UNC5D: variants seen among roughly 807,000 people sequenced by gnomAD.
UNC5D encodes the protein unc-5 netrin receptor D.
In UNC5D, 39 loss-of-function variants were observed where a neutral mutation model predicts 105.4. The ratio of observed to expected loss-of-function variants is 0.37; its 90% CI spans 0.29 to 0.48. The LOEUF is 0.48. Among genes scored for constraint, UNC5D ranks in the 20% least tolerant of loss-of-function variants. The pLI, the probability that UNC5D is intolerant of heterozygous loss-of-function variation, is 0.98. For synonymous variants in UNC5D, 452 were observed against 450.4 expected, an observed-to-expected ratio of 1.00 and a Z score of -0.04; for missense variants, 991 against 1,202.4, an observed-to-expected ratio of 0.82 and a Z score of 2.60.
At chr8:35,512,797 T>C (rs1218150881) in intron 1 of UNC5D, among the ~76,000 whole-genome samples, 3 of 151,648 alleles carry the variant, frequency 2.0e-5, no homozygotes, top group Non-Finnish European at 4.4e-5. Flanking sequence ...GGAGGTTTTG[T>C]TATAAAAATT....
chr8:35,434,353 T>C (rs1417347122), intron 1 of UNC5D, among the ~76,000 whole-genome samples: 1 of 152,104 alleles, frequency 6.6e-6, no homozygotes, highest in African/African-American at 2.4e-5. Context: ...TGTCTTAGAG[T>C]TCCTCCAAAG....
chr8:35,542,930 T>C (rs1160440804), intron 1 of UNC5D, among the ~76,000 whole-genome samples: 1 of 152,244 alleles, frequency 6.6e-6, no homozygotes, highest in Non-Finnish European at 1.5e-5. Context: ...GTTGTGGTCA[T>C]GGTGCCACAT....
At chr8:35,501,307 G>T (rs1811957511) in intron 1 of UNC5D, among the ~76,000 whole-genome samples, 1 of 152,224 alleles carries the variant, frequency 6.6e-6, no homozygotes, top group Non-Finnish European at 1.5e-5. Context: ...GTCCCCACCA[G>T]TTGGCCTCCC....
intron 1 of UNC5D, among the ~76,000 whole-genome samples, chr8:35,263,642 A>G (rs2128824651): frequency 6.6e-6 from 1 of 152,362 alleles, no homozygotes; most frequent in Non-Finnish European, 1.5e-5. Flanking sequence ...TTGTATCTGA[A>G]CAATAAGACT....
chr8:35,641,510 G>T (rs767289984), intron 4 of UNC5D, among the ~76,000 whole-genome samples: 3 of 151,942 alleles, frequency 2.0e-5, no homozygotes, highest in Non-Finnish European at 4.4e-5. Context: ...CTTTCTCTTG[G>T]TGAGAATACA....
At chr8:35,702,135 G>A (rs951167497) in intron 7 of UNC5D, among the ~76,000 whole-genome samples, 4 of 152,068 alleles carry the variant, frequency 2.6e-5, no homozygotes, top group African/African-American at 7.2e-5. Flanking sequence ...GTATATGTTA[G>A]ACCCTGGGAA....
At chr8:35,536,328 A>G (rs868090366) in intron 1 of UNC5D, among the ~76,000 whole-genome samples, 1 of 152,326 alleles carries the variant, frequency 6.6e-6, no homozygotes, top group Middle Eastern at 3.4e-3. Context: ...CAATCTGTGT[A>G]TTAGGAAAAA....
intron 2 of UNC5D, among the ~76,000 whole-genome samples, chr8:35,556,983 T>G (rs1011267563): frequency 1.3e-5 from 2 of 152,180 alleles, no homozygotes; most frequent in African/African-American, 4.8e-5. Context: ...CCTCAGGCCA[T>G]AAGCTACTAG....
chr8:35,626,323 A>T (rs1472108776), intron 4 of UNC5D, among the ~76,000 whole-genome samples: 1 of 151,970 alleles, frequency 6.6e-6, no homozygotes, highest in Non-Finnish European at 1.5e-5. Context: ...CTGGAAACCC[A>T]TAAAAATATC....
intron 16 of UNC5D, among the ~76,000 whole-genome samples, chr8:35,787,621 TG>T (rs1338783633): frequency 1.3e-5 from 2 of 151,986 alleles, no homozygotes; most frequent in African/African-American, 4.8e-5. Context: ...TTTTTTTGTT[TG>T]TTTGTCTTTT....
rs149166175 is a variant in UNC5D at position 35,385,323 on chromosome 8, G to A, written c.103+149436G>A. Among the ~76,000 whole-genome samples the A allele has an allele frequency of 1.5e-3, 230 of 152,144 alleles. 1 individual carries two copies. The highest frequency in any genetic ancestry group is 5.2e-3 in the African/African-American group (215 of 41,496). On this transcript the variant is annotated intron_variant, in intron 1 of 16. Coordinates refer to ENST00000404895, the MANE Select transcript of UNC5D (RefSeq NM_080872.4). ...TTGGACCTGTTAAAGCTGCCATTCC[G>A]CACACAAACTCTGGTAGCACCTAGT...
At chr8:35,328,381 T>A (rs769469650) in intron 1 of UNC5D, among the ~76,000 whole-genome samples, 7 of 152,162 alleles carry the variant, frequency 4.6e-5, no homozygotes, top group Non-Finnish European at 8.8e-5. Context: ...AAATCATTAT[T>A]TCTGGTGCTA....
At chr8:35,392,486 T>G (rs758284276) in intron 1 of UNC5D, among the ~76,000 whole-genome samples, 6 of 152,230 alleles carry the variant, frequency 3.9e-5, no homozygotes, top group Non-Finnish European at 8.8e-5. Flanking sequence ...TCAAAAGCGC[T>G]GGGATTACTG....
At chr8:35,455,573 C>A (rs1388452699) in intron 1 of UNC5D, among the ~76,000 whole-genome samples, 2 of 151,900 alleles carry the variant, frequency 1.3e-5, no homozygotes, top group African/African-American at 2.4e-5. Flanking sequence ...ACCACCACAC[C>A]AGGCCAAAGG....
At chr8:35,688,349 G>A (rs1826165347) in intron 7 of UNC5D, among the ~76,000 whole-genome samples, 1 of 151,966 alleles carries the variant, frequency 6.6e-6, no homozygotes. Context: ...ATCTAAGTTG[G>A]GTTTATTCTT....
At chr8:35,704,325 A>G (rs1005263193) in intron 7 of UNC5D, among the ~76,000 whole-genome samples, 1 of 152,218 alleles carries the variant, frequency 6.6e-6, no homozygotes, top group African/African-American at 2.4e-5. Context: ...AGAGCATTCC[A>G]TAGAAACCAT....
intron 1 of UNC5D, among the ~76,000 whole-genome samples, chr8:35,360,704 A>G (rs1162668916): frequency 2.0e-5 from 3 of 152,164 alleles, no homozygotes; most frequent in Admixed American, 1.3e-4. Flanking sequence ...GTGTGAGTAC[A>G]TATTTTAGGA....
Position 35,774,420 on chromosome 8 carries a change from C to A in UNC5D, c.2600C>A (p.Thr867Asn), listed in dbSNP as rs766916110. The change falls in exon 16 of 17, where the codon ACC becomes AAC. Residue 867 changes from threonine to asparagine, a missense_variant. Thr to Asn is a moderately conservative substitution (Grantham distance 65, BLOSUM62 0). Around this residue, in one of 3 missense-constraint regions of UNC5D, gnomAD observed 944 missense variants for 1,131.6 expected, o/e 0.83. Transcript: ENST00000404895. ...IRQRICATFD[T>N]PNAKGKDWQM... is the part of the protein sequence containing the mutation. The stretch of plus-strand genomic sequence containing the variant: ...CAGCGGATTTGTGCTACATTTGATA[C>A]CCCCAATGCCAAAGGCAAGGACTGG... 3.1e-6 allele frequency: 5 copies of A among 1,614,094 alleles called. No individual in the cohort carries two copies. The highest frequency in any genetic ancestry group is 1.1e-5 in the South Asian group (1 of 91,082).
chr8:35,606,077 TC>T (rs1274807856), intron 4 of UNC5D, among the ~76,000 whole-genome samples: 1 of 150,262 alleles, frequency 6.7e-6, no homozygotes, highest in Non-Finnish European at 1.5e-5. Context: ...AACCTCTGCC[TC>T]CTGGGTTCAA....
Sources: allele counts gnomAD v4.1 joint callset (sites outside exome capture counted in the v4.1 genomes callset), GRCh38; gene constraint gnomAD v4.1.1; regional missense constraint gnomAD v4.1.1; transcripts MANE v1.5; gene names NCBI Gene and HGNC (gene_info 2026-07-23, HGNC 2026-07-21).